DOCK4: variants seen among roughly 807,000 people sequenced by gnomAD.
DOCK4 encodes dedicator of cytokinesis 4.
In DOCK4, 97 loss-of-function variants were observed where a neutral mutation model predicts 268.1. That is an observed-to-expected ratio of 0.36 (90% CI 0.31 to 0.43). DOCK4 has a LOEUF of 0.43. DOCK4 is among the 20% of genes least tolerant of loss of function. The pLI is 1.00. For synonymous variants in DOCK4, 954 were observed against 887.2 expected (o/e 1.08, Z -1.34); for missense variants, 2,145 against 2,455.7 (o/e 0.87, Z 2.67).
intron 1 of DOCK4, among the ~76,000 whole-genome samples, chr7:112,195,201 C>T (rs999370524): frequency 4.6e-5 from 7 of 152,128 alleles, no homozygotes; most frequent in African/African-American, 1.7e-4. Flanking sequence ...ATCACCTGAA[C>T]CTGGGAAGCA....
intron 1 of DOCK4, among the ~76,000 whole-genome samples, chr7:112,072,824 G>C (rs1306081051): frequency 6.6e-6 from 1 of 152,188 alleles, no homozygotes; most frequent in East Asian, 1.9e-4. Context: ...GAGGTAAAAT[G>C]GCGGAGCTTT....
At chr7:111,969,446 AAAC>A (rs1797521453) in intron 8 of DOCK4, among the ~76,000 whole-genome samples, 1 of 151,400 alleles carries the variant, frequency 6.6e-6, no homozygotes, top group African/African-American at 2.4e-5. Context: ...AAAAACAAAA[AAAC>A]AAAAAAACAG....
At chr7:111,737,303 C>A (rs1286081140) in intron 49 of DOCK4, among the ~76,000 whole-genome samples, 1 of 149,768 alleles carries the variant, frequency 6.7e-6, no homozygotes, top group Non-Finnish European at 1.5e-5. Context: ...TTTTTCTTTT[C>A]TTTTTAGAGA....
chr7:112,156,081 G>A (rs1190100848), intron 1 of DOCK4, among the ~76,000 whole-genome samples: 1 of 152,120 alleles, frequency 6.6e-6, no homozygotes, highest in African/African-American at 2.4e-5. Flanking sequence ...AACAGAGCAT[G>A]GGCTTTGGAG....
At chr7:111,907,819 G>A (rs1475446831) in intron 13 of DOCK4, among the ~76,000 whole-genome samples, 1 of 152,128 alleles carries the variant, frequency 6.6e-6, no homozygotes, top group African/African-American at 2.4e-5. Context: ...GCCTCAACCT[G>A]CTGGGCTCAA....
intron 1 of DOCK4, among the ~76,000 whole-genome samples, chr7:112,097,790 A>C: frequency 6.6e-6 from 1 of 152,226 alleles, no homozygotes; most frequent in Admixed American, 6.5e-5. Context: ...GAGATGCAGG[A>C]GATAATGCTG....
intron 42 of DOCK4, among the ~76,000 whole-genome samples, chr7:111,752,470 T>G (rs927920871): frequency 6.6e-6 from 1 of 151,988 alleles, no homozygotes; most frequent in Non-Finnish European, 1.5e-5. Context: ...ATGGGCAGGA[T>G]GTGGTATGAA....
At chr7:112,103,087 C>G (rs532921551) in intron 1 of DOCK4, among the ~76,000 whole-genome samples, 1 of 152,294 alleles carries the variant, frequency 6.6e-6, no homozygotes, top group East Asian at 1.9e-4. Flanking sequence ...TCTGAATTTA[C>G]CTGATACTAC....
chr7:111,973,601 G>A (rs1797903686), intron 8 of DOCK4, among the ~76,000 whole-genome samples: 1 of 151,630 alleles, frequency 6.6e-6, no homozygotes, highest in Admixed American at 6.6e-5. Context: ...GGGGGAATCT[G>A]AATCCAATGG....
intron 32 of DOCK4, 41 bp downstream of exon 32, chr7:111,788,621 C>A: frequency 6.6e-7 from 1 of 1,516,676 alleles, no homozygotes; most frequent in South Asian, 1.2e-5. Flanking sequence ...GACACCAAAT[C>A]CCCCAGAATG....
intron 30 of DOCK4, among the ~76,000 whole-genome samples, chr7:111,797,532 T>C (rs1586015662): frequency 6.6e-6 from 1 of 152,006 alleles, no homozygotes; most frequent in South Asian, 2.1e-4. Context: ...ATTTCAGAGG[T>C]GAGCAATATA....
At chr7:111,972,837 T>G (rs1011184655) in intron 8 of DOCK4, among the ~76,000 whole-genome samples, 28 of 151,958 alleles carry the variant, frequency 1.8e-4, no homozygotes, top group Admixed American at 6.6e-4. Context: ...TTTTTTAATT[T>G]TTTACATGAA....
At position 111,741,671 on chromosome 7, in the gene DOCK4, T is replaced by C. The variant is rs1348154149; in HGVS notation, c.4798-10A>G. 6.2e-7 allele frequency: 1 copy of C among 1,611,034 alleles called. No homozygotes were observed. The highest frequency in any genetic ancestry group is 8.5e-7 in the Non-Finnish European group (1 of 1,179,056). On this transcript the variant is annotated splice_polypyrimidine_tract_variant and intron_variant, in intron 45 of 52. Transcript: ENST00000428084. ...TACAAGCAGAGAACTCCTAAAGATGTAGTAAAGGAAATATCTCATTACAGT... is the reference window on the plus strand; with the variant it reads ...TACAAGCAGAGAACTCCTAAAGATGCAGTAAAGGAAATATCTCATTACAGT...
chr7:111,794,025 G>A (rs1408375994), intron 30 of DOCK4, among the ~76,000 whole-genome samples: 1 of 152,122 alleles, frequency 6.6e-6, no homozygotes, highest in Non-Finnish European at 1.5e-5. Context: ...GCCAATTAGA[G>A]CTTTATTTTG....
intron 1 of DOCK4, among the ~76,000 whole-genome samples, chr7:112,038,070 C>T (rs1803992029): frequency 6.6e-6 from 1 of 152,150 alleles, no homozygotes; most frequent in Non-Finnish European, 1.5e-5. Flanking sequence ...AGCATGTTAG[C>T]ATTGTTATAA....
chr7:111,803,737 T>C (rs1316850323), intron 30 of DOCK4, among the ~76,000 whole-genome samples: 2 of 152,180 alleles, frequency 1.3e-5, no homozygotes, highest in Non-Finnish European at 2.9e-5. Context: ...GGAAAATATA[T>C]GCCTTCCTCT....
intron 8 of DOCK4, among the ~76,000 whole-genome samples, chr7:111,959,866 T>A (rs1796727069): frequency 6.6e-6 from 1 of 152,172 alleles, no homozygotes; most frequent in South Asian, 2.1e-4. Context: ...TACCACCTGC[T>A]TCTGATCCCT....
At chr7:111,893,470 T>A (rs1808461135) in intron 16 of DOCK4, among the ~76,000 whole-genome samples, 1 of 152,344 alleles carries the variant, frequency 6.6e-6, no homozygotes, top group East Asian at 1.9e-4. Context: ...CCAGTCTTAG[T>A]TATCTCAGCC....
intron 11 of DOCK4, 80 bp from the exon 12 acceptor site, chr7:111,935,708 T>A (rs943971875): frequency 8.0e-7 from 1 of 1,248,488 alleles, no homozygotes; most frequent in African/African-American, 1.5e-5. Context: ...TCTGCCCTTT[T>A]CGTTATAACC....
Sources: gnomAD v4.1 joint callset for allele counts (sites outside exome capture counted in the v4.1 genomes callset) on GRCh38, gnomAD v4.1.1 for gene constraint, MANE v1.5 for transcripts, NCBI Gene and HGNC (gene_info 2026-07-23, HGNC 2026-07-21) for gene names.